Variants in WEE1 observed in about 807,000 individuals in gnomAD.
WEE1 encodes wee1-like protein kinase.
A neutral mutation model predicts 68.8 loss-of-function variants in WEE1; 16 were observed. That is an observed-to-expected ratio of 0.23 (90% CI 0.16 to 0.35). WEE1 has a LOEUF of 0.35. WEE1 is among the 10% of genes least tolerant of loss of function. The pLI is 1.00. For synonymous variants in WEE1, 349 were observed against 318.7 expected (o/e 1.09, Z -1.01); for missense variants, 651 against 824.1 (o/e 0.79, Z 2.57).
At chr11:9,581,477 A>C in intron 5 of WEE1, 55 bp from the exon 6 acceptor site, 1 of 1,524,990 alleles carries the variant, frequency 6.6e-7, no homozygotes, top group Non-Finnish European at 8.8e-7. Context: ...GTAAAGATGG[A>C]AGAAAGAAAA....
rs908757498 is a variant in WEE1 at position 9,582,073 on chromosome 11, A to G, written c.1288+395A>G. On this transcript the variant is annotated intron_variant, in intron 6 of 10. Coordinates refer to ENST00000450114, the MANE Select transcript of WEE1 (RefSeq NM_003390.4). ...GCCAGAAATTTTTGCTGCATCTTACAGGAACTACAGGTGGGATACTAATGA... is the reference window on the plus strand; with the variant it reads ...GCCAGAAATTTTTGCTGCATCTTACGGGAACTACAGGTGGGATACTAATGA... Among the ~76,000 whole-genome samples, 7 of 152,360 alleles carry G rather than the reference A, an allele frequency of 4.6e-5. 1 individual carries two copies. The Middle Eastern group carries it at 0.01, about 222-fold the overall frequency.
chr11:9,574,619 T>G lies in WEE1; in HGVS notation c.576+110T>G, dbSNP rs1376739187. 3.0e-5 allele frequency: 33 copies of G among 1,115,340 alleles called. No homozygotes were observed. Among genetic ancestry groups the G allele is most frequent in the Non-Finnish European group, 3.5e-5 (32 of 914,540 alleles). 69.1% of individuals were successfully genotyped at this position (1,115,340 alleles called of 1,614,324 possible). On this transcript the variant is annotated intron_variant, in intron 1 of 10. Transcript: ENST00000450114. The surrounding 1 kb of genome is among the most constrained non-coding windows in gnomAD (Gnocchi z 4.9). Reference sequence around the variant, plus strand: ...GCGGCCGGCCGCTCCCCCCTCGCTTTCCTGCGCCGCCCCCCAAAGTTGGCA... The same window carrying G: ...GCGGCCGGCCGCTCCCCCCTCGCTTGCCTGCGCCGCCCCCCAAAGTTGGCA...
Position 9,589,235 on chromosome 11 carries a change from G to C in WEE1, c.*633G>C. On this transcript the variant is annotated 3_prime_UTR_variant, in exon 11 of 11. Coordinates refer to ENST00000450114, the MANE Select transcript of WEE1 (RefSeq NM_003390.4). ...GGTCTTCTTTTTGAAACAATTATGT[G>C]AAATGTATAGCTGCTTTTGATGAAA... is the stretch of plus-strand genomic sequence containing the variant. 1 of 983,978 alleles carries C rather than the reference G, an allele frequency of 1.0e-6. No individual in the cohort carries two copies. Among genetic ancestry groups the C allele is most frequent in the Non-Finnish European group, 1.2e-6 (1 of 829,456 alleles). 61.0% of individuals were successfully genotyped at this position (983,978 alleles called of 1,614,324 possible).
chr11:9,583,386 G>A lies in WEE1; in HGVS notation c.1288+1708G>A, dbSNP rs530944795. ...TCCCAGCACTTTGGGAGGCTGAGGC[G>A]GGTGGATTGCCTAAGCTTGGGAGTT... On this transcript the variant is annotated intron_variant, in intron 6 of 10. Coordinates refer to ENST00000450114, the MANE Select transcript of WEE1 (RefSeq NM_003390.4). Among the ~76,000 whole-genome samples, 73 of 152,004 alleles carry A rather than the reference G, an allele frequency of 4.8e-4. 1 individual carries two copies. The South Asian group carries it at 0.012, about 25-fold the overall frequency.
rs546741029 is a variant in WEE1, at chr11:9,574,727, C to T, written c.576+218C>T. 1 of 1,056,832 alleles carries T rather than the reference C, an allele frequency of 9.5e-7. No individual in the cohort carries two copies. The highest frequency in any genetic ancestry group is 1.7e-5 in the African/African-American group (1 of 59,212). The allele number at this position is 1,056,832 out of a possible 1,614,324, so 65.5% of individuals were successfully genotyped here. ...GGGCCTCGTCTGGAACTTCATCTTA[C>T]AAAGGGGCCGATCGGCCCGTCCGGG... is the stretch of plus-strand genomic sequence containing the variant. On this transcript the variant is annotated intron_variant, in intron 1 of 10. Transcript: ENST00000450114. The surrounding 1 kb of genome is among the most constrained non-coding windows in gnomAD (Gnocchi z 4.9).
At chr11:9,578,208 TGAGAG>T (rs759295746) in intron 5 of WEE1, 40 of 189,238 alleles carry the variant, frequency 2.1e-4, no homozygotes, top group East Asian at 3.4e-4. Flanking sequence ...AGTGAACACT[TGAGAG>T]GAGATAACAA....
rs758537908 is a variant in WEE1 at position 9,585,296 on chromosome 11, G to A, written c.1327G>A (p.Ala443Thr). Residue 443 changes from alanine to threonine, a missense_variant, in exon 7 of 11, where the codon GCC becomes ACC. Around this residue, in one of 5 missense-constraint regions of WEE1, gnomAD observed 82 missense variants for 123.2 expected, o/e 0.67. Coordinates refer to ENST00000450114, the MANE Select transcript of WEE1 (RefSeq NM_003390.4). ...ATCTCGAACCTCAATCCCAAATGCT[G>A]CCTCTGAAGAAGGAGACGAAGATGA... Reference protein sequence around the residue: ...FISRTSIPNAASEEGDEDDWA... With the variant: ...FISRTSIPNATSEEGDEDDWA... 13 of 1,614,122 alleles carry A rather than the reference G, an allele frequency of 8.1e-6. 1 individual carries two copies. In the South Asian group the frequency reaches 1.4e-4, roughly 18 times the overall value.
rs1316743645 is a variant in WEE1, at chr11:9,574,131, G to A, written c.198G>A (p.Arg66=). ...CCGACTCGCCGCTGCCGCCCGCGCG[G>A]AGCCCCACGGAGCCCGGGCCCGAGC... ...QEPDSPLPPA[R]SPTEPGPERR... Residue 66 remains arginine (R), a synonymous_variant, in exon 1 of 11, where the codon CGG becomes CGA. Transcript: ENST00000450114. The surrounding 1 kb of genome is among the most constrained non-coding windows in gnomAD (Gnocchi z 4.9). 2.3e-5 allele frequency: 28 copies of A among 1,206,580 alleles called. No individual in the cohort carries two copies. The highest frequency in any genetic ancestry group is 2.8e-5 in the Non-Finnish European group (27 of 972,404). The allele number at this position is 1,206,580 out of a possible 1,614,324, so 74.7% of individuals were successfully genotyped here.
At position 9,575,914 on chromosome 11, in the gene WEE1, T is replaced by A. The variant is rs1221999216; in HGVS notation, c.603T>A (p.Ile201=). ...PKSLLSKARG[I]DSSSVKLRGS... is the part of the protein sequence containing the mutation. Reference sequence around the variant, plus strand: ...GTTTGCTCTCCAAAGCTCGGGGAATTGATTCCAGCTCTGTTAAACTCCGGG... The same window carrying A: ...GTTTGCTCTCCAAAGCTCGGGGAATAGATTCCAGCTCTGTTAAACTCCGGG... Residue 201 remains isoleucine (I), a synonymous_variant, in exon 2 of 11, where the codon ATT becomes ATA. Transcript: ENST00000450114. The A allele has an allele frequency of 6.2e-7, 1 of 1,614,170 alleles. No homozygotes were observed. The highest frequency in any genetic ancestry group is 1.7e-5 in the Admixed American group (1 of 60,032).
chr11:9,589,030 TTA>T lies in WEE1; in HGVS notation c.*432_*433del. 1.0e-6 allele frequency: 1 copy of T among 979,898 alleles called. No homozygotes were observed. Among genetic ancestry groups the T allele is most frequent in the Non-Finnish European group, 1.2e-6 (1 of 825,844 alleles). 60.7% of individuals were successfully genotyped at this position (979,898 alleles called of 1,614,324 possible). A position where few individuals can be genotyped will look rare whatever the true frequency, so the allele number is the denominator to read the frequency against. On this transcript the variant is annotated 3_prime_UTR_variant, in exon 11 of 11. Transcript: ENST00000450114. ...CCTTCAATGTACCTGTGTGTCCATC[TTA>T]TATTTCTTTTTTTTTTAATTGTGAA...
At chr11:9,575,176 C>T (rs1659734739) in intron 1 of WEE1, 1 of 985,508 alleles carries the variant, frequency 1.0e-6, no homozygotes, top group Non-Finnish European at 1.2e-6. Context: ...CAGAGTTTGG[C>T]CGGCCTCCGT....
intron 5 of WEE1, chr11:9,578,592 C>A (rs958547961): frequency 6.6e-6 from 1 of 152,208 alleles, no homozygotes; most frequent in Non-Finnish European, 1.5e-5. Flanking sequence ...ACCACAATGT[C>A]GTCTCCATTT....
At chr11:9,583,812 T>C (rs1334381239) in intron 6 of WEE1, among the ~76,000 whole-genome samples, 67 of 19,978 alleles carry the variant, frequency 3.4e-3, no homozygotes, top group African/African-American at 5.2e-3. Flanking sequence ...CATATATATA[T>C]ATATATATAT....
chr11:9,578,879 TTTTATTTATTTATTTATTTATTTA>T (rs61158431), intron 5 of WEE1: 3 of 142,168 alleles, frequency 2.1e-5, no homozygotes, highest in East Asian at 2.1e-4. Context: ...GAAAATAAGT[TTTTATTTATTTATTTATTTATTTA>T]TTTATTTATT....
At chr11:9,586,910 A>G in intron 10 of WEE1, 54 bp downstream of exon 10, 2 of 1,522,182 alleles carry the variant, frequency 1.3e-6, no homozygotes, top group Non-Finnish European at 8.9e-7. Context: ...TTAATTCTCA[A>G]ATTTTAATGA....
In WEE1 at chr11:9,573,957, G is replaced by A; in HGVS notation, c.24G>A (p.Gln8=). 1.5e-6 allele frequency: 2 copies of A among 1,292,778 alleles called. No homozygotes were observed. The highest frequency in any genetic ancestry group is 3.2e-5 in the East Asian group (1 of 31,492). The allele number at this position is 1,292,778 out of a possible 1,614,324, so 80.1% of individuals were successfully genotyped here. Residue 8 remains glutamine, a synonymous_variant, in exon 1 of 11, where the codon CAG becomes CAA. Coordinates refer to ENST00000450114, the MANE Select transcript of WEE1 (RefSeq NM_003390.4). ...CGATGAGCTTCCTGAGCCGACAGCA[G>A]CCGCCGCCACCCCGCCGCGCCGGGG... MSFLSRQ[Q]PPPPRRAGAA...
intron 6 of WEE1, among the ~76,000 whole-genome samples, chr11:9,583,150 T>G (rs2134350852): frequency 6.6e-6 from 1 of 151,890 alleles, no homozygotes; most frequent in East Asian, 2.0e-4. Context: ...CCGTCTCTAC[T>G]AAAATTACAA....
chr11:9,587,117 A>G (rs966898522), intron 10 of WEE1, among the ~76,000 whole-genome samples: 16 of 151,938 alleles, frequency 1.1e-4, no homozygotes, highest in Non-Finnish European at 2.2e-4. Flanking sequence ...ATGCCACAAC[A>G]CCCAGCTAAT....
intron 6 of WEE1, 136 bp from the exon 7 acceptor site, chr11:9,585,122 T>C: frequency 1.4e-6 from 1 of 707,582 alleles, no homozygotes; most frequent in Non-Finnish European, 2.3e-6. Context: ...CCTGAGATGC[T>C]TATTCCATGG....
Sources: allele counts gnomAD v4.1 joint callset (sites outside exome capture counted in the v4.1 genomes callset), GRCh38; gene constraint gnomAD v4.1.1; regional missense constraint gnomAD v4.1.1; non-coding constraint Gnocchi (gnomAD v3.1); transcripts MANE v1.5; gene names NCBI Gene and HGNC (gene_info 2026-07-23, HGNC 2026-07-21).